The following HELQ variants were observed in gnomAD, a reference collection of about 807,000 sequenced individuals.
HELQ encodes the protein helicase POLQ-like.
A neutral mutation model predicts 111.6 loss-of-function variants in HELQ; 77 were observed. The observed-to-expected ratio is 0.69, with a 90% CI of 0.57 to 0.83. HELQ has a LOEUF of 0.83. HELQ is among the 40% of genes least tolerant of loss of function. The probability of loss-of-function intolerance (pLI) is 0.00; values close to 1 mark genes in which losing one functional copy is unlikely to be tolerated. For synonymous variants in HELQ, 438 were observed against 454.7 expected (o/e 0.96, Z 0.47); for missense variants, 1,200 against 1,288.5 (o/e 0.93, Z 1.05).
Position 83,450,222 on chromosome 4 carries a change from T to TAAAAAAAAAAAA in HELQ, c.1013-1273_1013-1262dup, listed in dbSNP as rs71668650. Among the ~76,000 whole-genome samples the TAAAAAAAAAAAA allele has an allele frequency of 3.9e-4, 18 of 45,604 alleles. 3 individuals are homozygous for TAAAAAAAAAAAA. The highest frequency in any genetic ancestry group is 1.8e-3 in the South Asian group (1 of 552). The allele number at this position is 45,604 out of a possible 152,430, so 29.9% of individuals were successfully genotyped here. Reference sequence around the variant, plus strand: ...TGTATGTTCAATATACAGTTAAGTTTAAAAAAAAAAAAAAAAAAAAAAAAA... The same window carrying TAAAAAAAAAAAA: ...TGTATGTTCAATATACAGTTAAGTTTAAAAAAAAAAAAAAAAAAAAAAAAAAAAAAAAAAAAA... On this transcript the variant is annotated intron_variant, in intron 2 of 17. Transcript: ENST00000295488.
intron 17 of HELQ, among the ~76,000 whole-genome samples, chr4:83,408,468 G>T (rs531810779): frequency 8.6e-5 from 13 of 151,622 alleles, no homozygotes; most frequent in African/African-American, 2.9e-4. Flanking sequence ...GGCCAGGATG[G>T]TCTCCACTGC....
intron 13 of HELQ, 35 bp downstream of exon 13, chr4:83,427,528 G>A (rs1390003199): frequency 1.4e-6 from 2 of 1,439,574 alleles, no homozygotes; most frequent in East Asian, 2.6e-5. Context: ...ATTCATAAAC[G>A]AAGTAGCCTA....
In HELQ at chr4:83,453,643, A is replaced by G. The variant is rs1240646913; in HGVS notation, c.600T>C (p.Ala200=). 1 of 1,614,146 alleles carries G rather than the reference A, an allele frequency of 6.2e-7. No individual in the cohort carries two copies. The highest frequency in any genetic ancestry group is 8.5e-7 in the Non-Finnish European group (1 of 1,179,966). The change falls in exon 2 of 18, where the codon GCT becomes GCC. Residue 200 remains alanine, a synonymous_variant. Coordinates refer to ENST00000295488, the MANE Select transcript of HELQ (RefSeq NM_133636.5). ...AGTTCTGCAAATTTTCAAAGTATATAGCCTGTGAGGAAGGTACATCATACA... is the reference window on the plus strand; with the variant it reads ...AGTTCTGCAAATTTTCAAAGTATATGGCCTGTGAGGAAGGTACATCATACA... ...DLLYDVPSSQ[A]IYFENLQNSS...
At chr4:83,408,197 T>C (rs11940490) in intron 17 of HELQ, among the ~76,000 whole-genome samples, 12,476 of 152,220 alleles carry the variant, frequency 0.082, 712 homozygotes, top group African/African-American at 0.14. Flanking sequence ...AACCTCAAAT[T>C]ACTTGTTTAA....
At position 83,450,222 on chromosome 4, in the gene HELQ, T is replaced by TAAAAAAAAAAAAAAAAA. The variant is rs71668650; in HGVS notation, c.1013-1278_1013-1262dup. On this transcript the variant is annotated intron_variant, in intron 2 of 17. Coordinates refer to ENST00000295488, the MANE Select transcript of HELQ (RefSeq NM_133636.5). ...TGTATGTTCAATATACAGTTAAGTT[T>TAAAAAAAAAAAAAAAAA]AAAAAAAAAAAAAAAAAAAAAAAAA... Among the ~76,000 whole-genome samples the TAAAAAAAAAAAAAAAAA allele has an allele frequency of 4.4e-5, 2 of 45,608 alleles. 1 individual carries two copies. Among genetic ancestry groups the TAAAAAAAAAAAAAAAAA allele is most frequent in the Non-Finnish European group, 1.1e-4 (2 of 19,030 alleles). The allele number at this position is 45,608 out of a possible 152,430, so 29.9% of individuals were successfully genotyped here.
chr4:83,445,900 A>C, intron 5 of HELQ, 114 bp downstream of exon 5: 1 of 665,502 alleles, frequency 1.5e-6, no homozygotes. Context: ...AACAAAGGCA[A>C]AAAGCTTAAG....
At chr4:83,407,701 C>T (rs1276538769) in intron 17 of HELQ, 141 bp from the exon 18 acceptor site, 1 of 606,684 alleles carries the variant, frequency 1.6e-6, no homozygotes, top group East Asian at 3.1e-5. Flanking sequence ...TGAAAAATGG[C>T]CACTTAAGAA....
intron 2 of HELQ, among the ~76,000 whole-genome samples, chr4:83,450,859 G>C (rs916637048): frequency 6.6e-6 from 1 of 152,100 alleles, no homozygotes; most frequent in African/African-American, 2.4e-5. Flanking sequence ...CCCACGACTT[G>C]GGAGGCTGAA....
intron 2 of HELQ, among the ~76,000 whole-genome samples, chr4:83,452,413 G>C (rs139392362): frequency 6.6e-6 from 1 of 152,204 alleles, no homozygotes; most frequent in African/African-American, 2.4e-5. Context: ...CTTTGGGAAA[G>C]GCAGCACAAG....
chr4:83,425,347 C>T (rs761969820), intron 14 of HELQ, among the ~76,000 whole-genome samples: 3 of 147,964 alleles, frequency 2.0e-5, no homozygotes, highest in Non-Finnish European at 3.0e-5. Flanking sequence ...AATTGGATTG[C>T]CAAATAAAAT....
At chr4:83,418,922 A>T (rs942237948) in intron 15 of HELQ, among the ~76,000 whole-genome samples, 2 of 152,206 alleles carry the variant, frequency 1.3e-5, no homozygotes, top group Admixed American at 6.5e-5. Context: ...CATGCCTGTT[A>T]TATAAAATAA....
At chr4:83,426,554 G>A (rs918485143) in intron 13 of HELQ, among the ~76,000 whole-genome samples, 2 of 146,252 alleles carry the variant, frequency 1.4e-5, no homozygotes, top group African/African-American at 4.9e-5. Context: ...TCTAATATAC[G>A]TTTTTGTTTC....
chr4:83,411,849 C>T (rs565677998), intron 17 of HELQ, among the ~76,000 whole-genome samples: 130 of 151,938 alleles, frequency 8.6e-4, no homozygotes, highest in Non-Finnish European at 6.0e-4. Context: ...TGCTATGTTG[C>T]CCAGGCTGAC....
chr4:83,452,402 G>C (rs182753363), intron 2 of HELQ, among the ~76,000 whole-genome samples: 1 of 152,210 alleles, frequency 6.6e-6, no homozygotes, highest in Non-Finnish European at 1.5e-5. Flanking sequence ...AAGATGTCTA[G>C]CTTTGGGAAA....
chr4:83,428,025 G>A (rs999137527), intron 12 of HELQ, among the ~76,000 whole-genome samples: 7 of 152,098 alleles, frequency 4.6e-5, no homozygotes, highest in African/African-American at 1.7e-4. Flanking sequence ...AAGAATGCAA[G>A]TGTCCATCAA....
intron 15 of HELQ, 53 bp from the exon 16 acceptor site, chr4:83,418,259 G>T: frequency 1.8e-6 from 2 of 1,105,392 alleles, no homozygotes; most frequent in Non-Finnish European, 2.6e-6. Flanking sequence ...TTATTTCAAA[G>T]TTTGGTTTGT....
intron 14 of HELQ, among the ~76,000 whole-genome samples, chr4:83,422,838 GATT>G (rs1217569517): frequency 2.0e-5 from 3 of 152,122 alleles, no homozygotes; most frequent in African/African-American, 4.8e-5. Context: ...GTACGTATGT[GATT>G]ATTATTATAA....
chr4:83,408,341 TC>T (rs1738902598), intron 17 of HELQ, among the ~76,000 whole-genome samples: 1 of 151,596 alleles, frequency 6.6e-6, no homozygotes, highest in Admixed American at 6.6e-5. Flanking sequence ...AACCTCCGCC[TC>T]CCAGGTTCAA....
Position 83,441,360 on chromosome 4 carries a change from T to G in HELQ, c.1607A>C (p.Glu536Ala). 1 of 1,591,714 alleles carries G rather than the reference T, an allele frequency of 6.3e-7. No individual in the cohort carries two copies. The highest frequency in any genetic ancestry group is 8.6e-7 in the Non-Finnish European group (1 of 1,162,962). ...EYLKINDTIY[E>A]VDSKAENGMT... ...GCCATTCTCAGCTTTGCTGTCAACT[T>G]CATATATTGTATCATTTATTTTCAG... The change falls in exon 7 of 18, where the codon GAA (glutamate) becomes GCA (alanine). Residue 536 changes from glutamate to alanine, a missense_variant. Glu to Ala is a moderately radical substitution (Grantham distance 107). Transcript: ENST00000295488.
Sources: gnomAD v4.1 joint callset for allele counts (sites outside exome capture counted in the v4.1 genomes callset) on GRCh38, gnomAD v4.1.1 for gene constraint, MANE v1.5 for transcripts, NCBI Gene and HGNC (gene_info 2026-07-23, HGNC 2026-07-21) for gene names.